The following RARS1 variants were observed in gnomAD, a reference collection of about 807,000 sequenced individuals.
RARS1 encodes the protein arginyl-tRNA synthetase 1, also known as arginine--tRNA ligase, cytoplasmic.
Under a neutral mutation model 78.7 loss-of-function variants are expected in RARS1, and 75 were observed. The ratio of observed to expected loss-of-function variants is 0.95; its 90% confidence interval spans 0.79 to 1.15. RARS1 has a LOEUF of 1.15. Among genes scored for constraint, RARS1 ranks in the 50% most tolerant of loss-of-function variants. The pLI, the probability that RARS1 is intolerant of heterozygous loss-of-function variation, is 0.00. For synonymous variants in RARS1, 273 were observed against 268.2 expected (o/e 1.02, Z -0.18); for missense variants, 787 against 787.5 (o/e 1.00, Z 0.01).
At chr5:168,505,011 A>C (rs1293167843) in intron 9 of RARS1, among the ~76,000 whole-genome samples, 4 of 151,676 alleles carry the variant, frequency 2.6e-5, no homozygotes, top group African/African-American at 7.3e-5. Context: ...AAATAAATGC[A>C]ATTTTTTAAA....
chr5:168,502,384 A>ATATATATATATATATTTTTTTTTTTTTT (rs1280220276), intron 9 of RARS1, among the ~76,000 whole-genome samples: 1 of 127,246 alleles, frequency 7.9e-6, no homozygotes, highest in African/African-American at 3.2e-5. Context: ...ATATATATAT[A>ATATATATATATATATTTTTTTTTTTTTT]TTTTTTTTTT....
In RARS1 at chr5:168,506,097, A is replaced by C; in HGVS notation, c.1134A>C (p.Ser378=). Residue 378 remains serine (S), a synonymous_variant, in exon 10 of 15, where the codon TCA becomes TCC. Transcript: ENST00000231572. ...CCATACCATTAACCATAGTAAAATC[A>C]GATGGAGGTTATACCTATGATACAT... The part of the protein sequence containing the change: ...GCSIPLTIVK[S]DGGYTYDTSD... The C allele has an allele frequency of 1.9e-6, 3 of 1,605,816 alleles. No homozygotes were observed. Among genetic ancestry groups the C allele is most frequent in the Non-Finnish European group, 2.6e-6 (3 of 1,175,994 alleles).
chr5:168,496,754 G>A (rs1019815329), intron 6 of RARS1, among the ~76,000 whole-genome samples: 1 of 152,130 alleles, frequency 6.6e-6, no homozygotes, highest in African/African-American at 2.4e-5. Flanking sequence ...ATAGTGCTGG[G>A]ATTACAGGCG....
At chr5:168,497,168 A>T in intron 6 of RARS1, 60 bp from the exon 7 acceptor site, 1 of 1,261,540 alleles carries the variant, frequency 7.9e-7, no homozygotes, top group Non-Finnish European at 1.0e-6. Context: ...AGTTCCTCTA[A>T]TTTAACTTAA....
chr5:168,518,547 A>G (rs936811300), intron 14 of RARS1, among the ~76,000 whole-genome samples: 10 of 152,046 alleles, frequency 6.6e-5, no homozygotes, highest in Non-Finnish European at 8.8e-5. Flanking sequence ...AACAAACACA[A>G]TGTGTTTGTG....
chr5:168,495,381 A>G lies in RARS1; in HGVS notation c.646A>G (p.Ile216Val), dbSNP rs778300237. The G allele has an allele frequency of 5.0e-6, 8 of 1,614,090 alleles. No individual in the cohort carries two copies. Among genetic ancestry groups the G allele is most frequent in the South Asian group, 4.4e-5 (4 of 91,082 alleles). ...GCATGTAGGCCACCTGAGGTCAACT[A>G]TCATAGGAGAGAGTATAAGCCGCCT... Reference protein sequence around the residue: ...EMHVGHLRSTIIGESISRLFE... With the variant: ...EMHVGHLRSTVIGESISRLFE... Residue 216 changes from isoleucine to valine, a missense_variant, in exon 6 of 15, where the codon ATC (isoleucine) becomes GTC (valine). Transcript: ENST00000231572.
chr5:168,487,506 T>C (rs1021829973), intron 1 of RARS1, among the ~76,000 whole-genome samples: 4 of 152,244 alleles, frequency 2.6e-5, no homozygotes, highest in Non-Finnish European at 4.4e-5. Flanking sequence ...TACAAGTTAG[T>C]CAAGTAAATT....
At chr5:168,518,118 C>G (rs1177333994) in intron 14 of RARS1, 56 bp downstream of exon 14, 19 of 1,300,866 alleles carry the variant, frequency 1.5e-5, no homozygotes, top group Non-Finnish European at 4.8e-6. Context: ...GGATCTTGCT[C>G]TGTCCCTTGG....
At chr5:168,495,182 A>G in intron 5 of RARS1, 133 bp from the exon 6 acceptor site, 1 of 1,392,386 alleles carries the variant, frequency 7.2e-7, no homozygotes, top group Non-Finnish European at 9.5e-7. Context: ...ATTAATGTTT[A>G]AGTCTGAGTT....
intron 14 of RARS1, 99 bp from the exon 15 acceptor site, chr5:168,518,982 A>C: frequency 1.1e-6 from 1 of 874,152 alleles, no homozygotes; most frequent in Non-Finnish European, 1.8e-6. Flanking sequence ...GGGTTGGACT[A>C]TGCACTTCTA....
At position 168,518,194 on chromosome 5, in the gene RARS1, C is replaced by A. The variant is rs1372953150; in HGVS notation, c.1873+132C>A. ...AAACTTCTGGCCTCAAGTGATTCTC[C>A]CACTTGAGCCTCCCGAATGGCTGGA... On this transcript the variant is annotated intron_variant, in intron 14 of 14. Coordinates refer to ENST00000231572, the MANE Select transcript of RARS1 (RefSeq NM_002887.4). The A allele has an allele frequency of 2.7e-6, 3 of 1,101,570 alleles. No individual in the cohort carries two copies. In the South Asian group the frequency reaches 6.4e-5, roughly 23 times the overall value. The allele number at this position is 1,101,570 out of a possible 1,614,324, so 68.2% of individuals were successfully genotyped here.
chr5:168,487,042 C>G (rs993992678), intron 1 of RARS1, among the ~76,000 whole-genome samples: 11 of 152,206 alleles, frequency 7.2e-5, no homozygotes, highest in Admixed American at 6.5e-4. Flanking sequence ...CCTCAGCATT[C>G]GTCGGGAAGG....
chr5:168,510,244 ATATCT>A (rs1007606878), intron 11 of RARS1, among the ~76,000 whole-genome samples: 2 of 152,230 alleles, frequency 1.3e-5, no homozygotes, highest in Non-Finnish European at 2.9e-5. Flanking sequence ...AAATTAACAA[ATATCT>A]TCTTTCTCTG....
intron 6 of RARS1, 82 bp downstream of exon 6, chr5:168,495,518 C>G: frequency 6.7e-7 from 1 of 1,502,250 alleles, no homozygotes; most frequent in African/African-American, 1.4e-5. Flanking sequence ...ATATCTCACT[C>G]AAGAAAGAAC....
chr5:168,495,697 G>A (rs112290637), intron 6 of RARS1, among the ~76,000 whole-genome samples: 1 of 152,174 alleles, frequency 6.6e-6, no homozygotes, highest in East Asian at 1.9e-4. Flanking sequence ...GTTTCTTGAG[G>A]ACCTCTTGTA....
intron 14 of RARS1, among the ~76,000 whole-genome samples, chr5:168,518,535 C>G (rs903929462): frequency 6.6e-6 from 1 of 152,048 alleles, no homozygotes; most frequent in African/African-American, 2.4e-5. Flanking sequence ...TAGGATTTTT[C>G]CAACAAACAC....
chr5:168,495,112 C>T, intron 5 of RARS1: 1 of 833,774 alleles, frequency 1.2e-6, no homozygotes, highest in Non-Finnish European at 1.7e-6. Context: ...GATTCTTTTT[C>T]AGTTAAAAAT....
At chr5:168,501,949 T>C (rs2152904763) in intron 8 of RARS1, 52 bp from the exon 9 acceptor site, 1 of 1,556,178 alleles carries the variant, frequency 6.4e-7, no homozygotes, top group Middle Eastern at 2.1e-4. Flanking sequence ...GTTTCCTGTT[T>C]TTAAAAAATT....
intron 1 of RARS1, chr5:168,488,373 C>T (rs1758012776): frequency 2.2e-6 from 1 of 444,838 alleles, no homozygotes; most frequent in Non-Finnish European, 4.0e-6. Context: ...AGTCATCCAC[C>T]TGCCTAGGCC....
Sources: allele counts gnomAD v4.1 joint callset (sites outside exome capture counted in the v4.1 genomes callset), GRCh38; gene constraint gnomAD v4.1.1; transcripts MANE v1.5; gene names NCBI Gene and HGNC (gene_info 2026-07-23, HGNC 2026-07-21).